Variants in DRICH1 observed in about 807,000 individuals in gnomAD.
The protein encoded by DRICH1 is aspartate rich 1.
A neutral mutation model predicts 39.5 loss-of-function variants in DRICH1; 38 were observed. That is an observed-to-expected ratio of 0.96 (90% CI 0.74 to 1.26). The LOEUF (loss-of-function observed/expected upper bound fraction) is 1.26. Among genes scored for constraint, DRICH1 ranks in the 50% most tolerant of loss-of-function variants. The pLI is 0.00. For missense variants in DRICH1, 279 were observed against 270.4 expected (o/e 1.03, Z -0.22); for synonymous variants, 84 against 99.5 (o/e 0.84, Z 0.93).
At chr22:23,621,188 ATGGGCAATGCCTGCTTGT>A (rs1927704623) in intron 4 of DRICH1, among the ~76,000 whole-genome samples, 1 of 152,020 alleles carries the variant, frequency 6.6e-6, no homozygotes. Flanking sequence ...TCCTGCTTGG[ATGGGCAATGCCTGCTTGT>A]TGGGCCCCCT....
chr22:23,624,211 TTC>T (rs1927928773), intron 3 of DRICH1: 7 of 985,412 alleles, frequency 7.1e-6, no homozygotes, highest in Non-Finnish European at 8.4e-6. Context: ...CGCAGAAGAA[TTC>T]TGTCTCCAGG....
chr22:23,620,408 A>C (rs188655282), intron 5 of DRICH1, among the ~76,000 whole-genome samples, 186 bp downstream of exon 5: 358 of 152,026 alleles, frequency 2.4e-3, no homozygotes, highest in Non-Finnish European at 4.2e-3. Context: ...GCTCACACAA[A>C]ATCTCCTGCT....
At chr22:23,581,938 C>T in the DRICH1 span, among the ~76,000 whole-genome samples, 2 of 151,236 alleles carry the variant, frequency 1.3e-5, no homozygotes, top group African/African-American at 2.4e-5. Flanking sequence ...AGTTCAGTGG[C>T]ATTAACTACA....
At chr22:23,594,600 A>G in the DRICH1 span, among the ~76,000 whole-genome samples, 1 of 152,230 alleles carries the variant, frequency 6.6e-6, no homozygotes, top group Admixed American at 6.5e-5. Flanking sequence ...GTTCAAGGGA[A>G]CAAGATGTAT....
the DRICH1 span, chr22:23,583,454 A>G: frequency 6.6e-6 from 1 of 152,188 alleles, no homozygotes; most frequent in Non-Finnish European, 1.5e-5. Flanking sequence ...TCCCCTTGGC[A>G]TCTGCCAGCC....
At chr22:23,596,057 G>A in the DRICH1 span, among the ~76,000 whole-genome samples, 82 of 152,326 alleles carry the variant, frequency 5.4e-4, no homozygotes, top group East Asian at 0.014. Context: ...CTCTCTAGGA[G>A]ATAGAAACTG....
chr22:23,599,377 C>G, the DRICH1 span, among the ~76,000 whole-genome samples: 77 of 152,326 alleles, frequency 5.1e-4, no homozygotes, highest in Middle Eastern at 3.4e-3. Context: ...ATCCTCTGCC[C>G]ATTCAGTCTT....
chr22:23,605,129 G>T (rs1396914898), downstream of DRICH1, among the ~76,000 whole-genome samples: 1 of 152,184 alleles, frequency 6.6e-6, no homozygotes, highest in Non-Finnish European at 1.5e-5. Flanking sequence ...TGGAGGTTCT[G>T]TCCCTGAAAT....
Position 23,631,803 on chromosome 22 carries a change from G to A in DRICH1, c.208+13C>T, listed in dbSNP as rs368861857. 17 of 1,609,576 alleles carry A rather than the reference G, an allele frequency of 1.1e-5. No homozygotes were observed. Among genetic ancestry groups the A allele is most frequent in the Admixed American group, 1.0e-4 (6 of 59,966 alleles). ...GTGTGCCAGAGGGTAAACGGCACCC[G>A]TGGCTTTTTTACCTGTGGGCATCTT... On this transcript the variant is annotated intron_variant, in intron 1 of 11. Coordinates refer to ENST00000317749, the MANE Select transcript of DRICH1 (RefSeq NM_016449.4).
chr22:23,624,602 C>A (rs894465233), intron 3 of DRICH1, among the ~76,000 whole-genome samples: 2 of 152,080 alleles, frequency 1.3e-5, no homozygotes, highest in South Asian at 4.2e-4. Flanking sequence ...AGAATCCACT[C>A]TTTAGGATTC....
chr22:23,597,181 T>C, the DRICH1 span, among the ~76,000 whole-genome samples: 2 of 143,674 alleles, frequency 1.4e-5, no homozygotes, highest in African/African-American at 2.6e-5. Flanking sequence ...CCTTCCTCCC[T>C]CCCTCCATCC....
the DRICH1 span, among the ~76,000 whole-genome samples, chr22:23,600,061 T>C: frequency 6.6e-6 from 1 of 152,106 alleles, no homozygotes; most frequent in African/African-American, 2.4e-5. Context: ...GATATATGGA[T>C]GGACAGACTG....
At chr22:23,590,652 G>A in the DRICH1 span, among the ~76,000 whole-genome samples, 48 of 152,046 alleles carry the variant, frequency 3.2e-4, no homozygotes, top group African/African-American at 1.1e-3. Flanking sequence ...AGGCTGGAGT[G>A]CAGTGGCACA....
chr22:23,622,623 G>T (rs1285129779), intron 3 of DRICH1, among the ~76,000 whole-genome samples: 1 of 139,764 alleles, frequency 7.2e-6, no homozygotes, highest in African/African-American at 2.6e-5. Flanking sequence ...TTGGTGAAAT[G>T]GACTCAATTT....
chr22:23,624,929 T>G, intron 2 of DRICH1, 25 bp from the exon 3 acceptor site: 1 of 1,612,448 alleles, frequency 6.2e-7, no homozygotes, highest in Non-Finnish European at 8.5e-7. Context: ...AAGAAGATGC[T>G]ATGAGGATCA....
chr22:23,627,031 T>TCA (rs1928104840), intron 1 of DRICH1, among the ~76,000 whole-genome samples: 1 of 151,630 alleles, frequency 6.6e-6, no homozygotes, highest in Non-Finnish European at 1.5e-5. Flanking sequence ...ATAAGGCTGA[T>TCA]GGGCCATTGC....
chr22:23,614,391 T>G (rs960178649), intron 8 of DRICH1, among the ~76,000 whole-genome samples, 177 bp from the exon 9 acceptor site: 1 of 152,152 alleles, frequency 6.6e-6, no homozygotes, highest in Non-Finnish European at 1.5e-5. Context: ...ATGAAAGACA[T>G]GAGACATGGA....
intron 3 of DRICH1, 111 bp from the exon 4 acceptor site, chr22:23,622,287 T>TC: frequency 1.1e-6 from 1 of 951,574 alleles, no homozygotes; most frequent in South Asian, 1.3e-5. Flanking sequence ...AAGCATGGAC[T>TC]GAGTTAATGC....
At position 23,608,698 on chromosome 22, in the gene DRICH1, G is replaced by C; in HGVS notation, c.*66C>G. 1 of 1,514,016 alleles carries C rather than the reference G, an allele frequency of 6.6e-7. No individual in the cohort carries two copies. Among genetic ancestry groups the C allele is most frequent in the Non-Finnish European group, 9.0e-7 (1 of 1,113,904 alleles). 93.8% of individuals were successfully genotyped at this position (1,514,016 alleles called of 1,614,324 possible). On this transcript the variant is annotated 3_prime_UTR_variant, in exon 12 of 12. Transcript: ENST00000317749. ...ATTGAGACCTCCAGGGGCAAAGCTG[G>C]GGACCCTGCAGCACGCGCTGGCCTG... is the stretch of plus-strand genomic sequence containing the variant.
Sources: allele counts gnomAD v4.1 joint callset (sites outside exome capture counted in the v4.1 genomes callset), GRCh38; gene constraint gnomAD v4.1.1; transcripts MANE v1.5; gene names NCBI Gene and HGNC (gene_info 2026-07-23, HGNC 2026-07-21).